CASP2: variants seen among roughly 807,000 people sequenced by gnomAD.
CASP2 encodes the protein caspase-2.
In CASP2, 38 loss-of-function variants were observed where a neutral mutation model predicts 54.4. The observed-to-expected ratio is 0.70, with a 90% CI of 0.54 to 0.92. The LOEUF (loss-of-function observed/expected upper bound fraction) is 0.92. Ranked by LOEUF, CASP2 falls within the 40% of genes least tolerant of loss-of-function variation. The probability of loss-of-function intolerance (pLI) is 0.00; values close to 1 mark genes in which losing one functional copy is unlikely to be tolerated. For synonymous variants in CASP2, 215 were observed against 216.3 expected (o/e 0.99, Z 0.05); for missense variants, 512 against 579.6 (o/e 0.88, Z 1.20).
chr7:143,291,833 C>G (rs1801580004), intron 2 of CASP2, 143 bp downstream of exon 2: 2 of 656,246 alleles, frequency 3.0e-6, no homozygotes, highest in Non-Finnish European at 4.9e-6. Context: ...GGCTGGAGTA[C>G]AATGGCGCGA....
At chr7:143,301,035 G>T in intron 8 of CASP2, 1 of 494,828 alleles carries the variant, frequency 2.0e-6, no homozygotes, top group Non-Finnish European at 2.7e-6. Context: ...AAGTTAAATG[G>T]CATCCCTCCA....
intron 1 of CASP2, among the ~76,000 whole-genome samples, chr7:143,291,126 CTCA>C (rs1444869397): frequency 1.3e-5 from 2 of 152,144 alleles, no homozygotes; most frequent in African/African-American, 2.4e-5. Flanking sequence ...TGTTTTAACC[CTCA>C]TCTAAGATCA....
chr7:143,295,066 C>G (rs181500746), intron 6 of CASP2, among the ~76,000 whole-genome samples: 9 of 151,144 alleles, frequency 6.0e-5, no homozygotes, highest in Admixed American at 5.3e-4. Flanking sequence ...TTAGCTCTGT[C>G]ACCCAGGCTG....
At chr7:143,289,909 A>G (rs1050723614) in intron 1 of CASP2, among the ~76,000 whole-genome samples, 1 of 151,988 alleles carries the variant, frequency 6.6e-6, no homozygotes, top group Non-Finnish European at 1.5e-5. Context: ...CCCACCTGCT[A>G]TCTTAGTTCT....
chr7:143,304,822 A>G (rs1802019898), intron 10 of CASP2, 39 bp downstream of exon 10: 2 of 1,604,792 alleles, frequency 1.2e-6, no homozygotes, highest in Non-Finnish European at 1.7e-6. Flanking sequence ...GTGTCTCCAC[A>G]GTGCTCTACT....
chr7:143,299,051 C>G (rs1402152325), intron 6 of CASP2, among the ~76,000 whole-genome samples: 1 of 151,986 alleles, frequency 6.6e-6, no homozygotes, highest in African/African-American at 2.4e-5. Context: ...CCTCAACTTC[C>G]TAGGCTCCAG....
intron 6 of CASP2, among the ~76,000 whole-genome samples, chr7:143,299,080 C>A (rs1293783151): frequency 1.3e-5 from 2 of 152,010 alleles, no homozygotes; most frequent in Non-Finnish European, 2.9e-5. Context: ...CCACCGTAGC[C>A]TTTAGAGTAG....
At chr7:143,293,687 T>C (rs1224752743) in intron 4 of CASP2, among the ~76,000 whole-genome samples, 1 of 151,556 alleles carries the variant, frequency 6.6e-6, no homozygotes, top group Non-Finnish European at 1.5e-5. Context: ...TTTTTTGTGT[T>C]TTTAGTAAGA....
chr7:143,294,236 TG>T lies in CASP2; in HGVS notation c.484del (p.Glu162AsnfsTer4). 1 of 1,599,206 alleles carries T rather than the reference TG, an allele frequency of 6.3e-7. No homozygotes were observed. Among genetic ancestry groups the T allele is most frequent in the Non-Finnish European group, 8.6e-7 (1 of 1,166,534 alleles). On this transcript the variant is annotated frameshift_variant, in exon 5 of 11. Coordinates refer to ENST00000310447, the MANE Select transcript of CASP2 (RefSeq NM_032982.4). LOFTEE classifies it high-confidence loss of function. ...YKKLRLSTDTVEHSLDNKDGP... is the reference protein window; with the variant it reads ...YKKLRLSTDTXEHSLDNKDGP... ...TTTTCTGTCTATACCACAGATACTG[TG>T]GAACACTCCCTAGACAATAAAGATG...
intron 1 of CASP2, among the ~76,000 whole-genome samples, 193 bp downstream of exon 1, chr7:143,288,722 T>C: frequency 6.6e-6 from 1 of 152,182 alleles, no homozygotes; most frequent in East Asian, 1.9e-4. Context: ...CGGGCGGACC[T>C]CTTGGCCTTG....
In CASP2 at chr7:143,307,430, T is replaced by C. The variant is rs1441179185; in HGVS notation, c.*2359T>C. On this transcript the variant is annotated 3_prime_UTR_variant, in exon 11 of 11. Coordinates refer to ENST00000310447, the MANE Select transcript of CASP2 (RefSeq NM_032982.4). The stretch of plus-strand genomic sequence containing the variant: ...TGTTTTTCCATGTGTTTTGCTTTTA[T>C]CCACTGGCATTTTTAGCTCCTTGAA... 6.6e-6 allele frequency: 1 copy of C among 152,258 alleles called. No homozygotes were observed. The highest frequency in any genetic ancestry group is 2.1e-4 in the South Asian group (1 of 4,838). 9.4% of individuals were successfully genotyped at this position (152,258 alleles called of 1,614,324 possible).
intron 6 of CASP2, among the ~76,000 whole-genome samples, chr7:143,299,487 C>T (rs891596729): frequency 2.0e-5 from 3 of 152,226 alleles, no homozygotes; most frequent in Non-Finnish European, 2.9e-5. Flanking sequence ...ATGATGCTGT[C>T]ACAGAACAGT....
intron 4 of CASP2, chr7:143,293,168 C>T (rs1801637294): frequency 1.5e-6 from 1 of 647,050 alleles, no homozygotes; most frequent in Admixed American, 2.7e-5. Flanking sequence ...TGTTCTGTCA[C>T]CCAGGCTGGA....
Position 143,305,176 on chromosome 7 carries a change from G to T in CASP2, c.*105G>T, listed in dbSNP as rs1287184276. On this transcript the variant is annotated 3_prime_UTR_variant, in exon 11 of 11. Coordinates refer to ENST00000310447, the MANE Select transcript of CASP2 (RefSeq NM_032982.4). Reference sequence around the variant, plus strand: ...CACGGTTTCTGTTCTGCCCCCTCAGGGATGTGGGAATCTCCCAGACTTGTT... The same window carrying T: ...CACGGTTTCTGTTCTGCCCCCTCAGTGATGTGGGAATCTCCCAGACTTGTT... The T allele has an allele frequency of 3.5e-6, 5 of 1,432,562 alleles. No homozygotes were observed. Among genetic ancestry groups the T allele is most frequent in the Non-Finnish European group, 4.9e-6 (5 of 1,027,646 alleles). 88.7% of individuals were successfully genotyped at this position (1,432,562 alleles called of 1,614,324 possible). A position where few individuals can be genotyped will look rare whatever the true frequency, so the allele number is the denominator to read the frequency against.
chr7:143,302,356 C>G (rs1801940240), intron 8 of CASP2: 2 of 152,192 alleles, frequency 1.3e-5, no homozygotes, highest in African/African-American at 2.4e-5. Flanking sequence ...TGCTCTGTCT[C>G]TCTAACTTTT....
chr7:143,297,975 A>G (rs1055393991), intron 6 of CASP2, among the ~76,000 whole-genome samples: 5 of 152,212 alleles, frequency 3.3e-5, no homozygotes, highest in Admixed American at 1.3e-4. Flanking sequence ...ATTTCTAGTT[A>G]TATTGCAGAC....
Position 143,293,243 on chromosome 7 carries a change from T to TCAG in CASP2, c.475+547_475+549dup. 5.6e-6 allele frequency: 3 copies of TCAG among 533,936 alleles called. No homozygotes were observed. The South Asian group carries it at 7.7e-5, about 14-fold the overall frequency. The allele number at this position is 533,936 out of a possible 1,614,324, so 33.1% of individuals were successfully genotyped here. ...CCTGGGTTGAAGGGCTCCTCCTGCC[T>TCAG]CAGCCTCCCAAGTACCTGGGATTAC... On this transcript the variant is annotated intron_variant, in intron 4 of 10. Transcript: ENST00000310447.
At chr7:143,290,105 G>A (rs1801512535) in intron 1 of CASP2, among the ~76,000 whole-genome samples, 1 of 133,402 alleles carries the variant, frequency 7.5e-6, no homozygotes, top group Non-Finnish European at 1.5e-5. Flanking sequence ...GTGTCACCCA[G>A]GCTGGAGTGC....
rs1272159590 is a variant in CASP2 at position 143,303,906 on chromosome 7, A to G, written c.1090A>G (p.Met364Val). The change falls in exon 9 of 11, where the codon ATG becomes GTG. Residue 364 changes from methionine to valine, a missense_variant. Physicochemically the swap from Met to Val is conservative, Grantham distance 21. This residue lies in a region of CASP2 where 417 missense variants were observed against 495.4 expected (regional missense o/e 0.84). Transcript: ENST00000310447. ...GATGAGACTGCCCACGCGCTCAGAC[A>G]TGATATGCGGCTATGCCTGCCTCAA... ...PKMRLPTRSD[M>V]ICGYACLKGT... The G allele has an allele frequency of 3.7e-6, 6 of 1,607,772 alleles. No homozygotes were observed. The highest frequency in any genetic ancestry group is 5.1e-6 in the Non-Finnish European group (6 of 1,176,830).
Sources: gnomAD v4.1 joint callset for allele counts (sites outside exome capture counted in the v4.1 genomes callset) on GRCh38, gnomAD v4.1.1 for gene constraint, gnomAD v4.1.1 regional missense constraint, MANE v1.5 for transcripts, NCBI Gene and HGNC (gene_info 2026-07-23, HGNC 2026-07-21) for gene names.